RIMS3: variants seen among roughly 807,000 people sequenced by gnomAD.
RIMS3 encodes regulating synaptic membrane exocytosis protein 3.
A neutral mutation model predicts 29.2 loss-of-function variants in RIMS3; 15 were observed. The observed-to-expected ratio is 0.51, with a 90% CI of 0.34 to 0.79. The LOEUF is 0.79. Among genes scored for constraint, RIMS3 ranks in the 30% least tolerant of loss-of-function variants. RIMS3 has a pLI of 0.01. For synonymous variants in RIMS3, 161 were observed against 170.1 expected (o/e 0.95, Z 0.41); for missense variants, 342 against 421.4 (o/e 0.81, Z 1.65).
chr1:40,672,664 C>G, the RIMS3 span, among the ~76,000 whole-genome samples: 1 of 152,142 alleles, frequency 6.6e-6, no homozygotes, highest in African/African-American at 2.4e-5. Flanking sequence ...TACTGAGCAG[C>G]TACTCTGAGC....
intron 1 of RIMS3, among the ~76,000 whole-genome samples, chr1:40,663,559 GCAGCTGCAGACATCACC>G (rs1642382887): frequency 6.6e-6 from 1 of 152,178 alleles, no homozygotes; most frequent in South Asian, 2.1e-4. Context: ...AGCTGCTACT[GCAGCTGCAGACATCACC>G]CAGACCCCTG....
intron 1 of RIMS3, among the ~76,000 whole-genome samples, chr1:40,663,085 G>A (rs1290336555): frequency 6.6e-6 from 1 of 152,164 alleles, no homozygotes; most frequent in African/African-American, 2.4e-5. Flanking sequence ...ATATACCAGT[G>A]TAGGAGACAG....
At chr1:40,663,900 C>T (rs942429480) in intron 1 of RIMS3, among the ~76,000 whole-genome samples, 4 of 152,180 alleles carry the variant, frequency 2.6e-5, no homozygotes, top group Non-Finnish European at 5.9e-5. Context: ...CACTGTGCTG[C>T]GCAGCTCAAA....
At chr1:40,672,867 A>AG in the RIMS3 span, among the ~76,000 whole-genome samples, 1 of 54,706 alleles carries the variant, frequency 1.8e-5, no homozygotes, top group Non-Finnish European at 3.7e-5. Flanking sequence ...CCATCTCTGG[A>AG]GAAAAAAAAA....
At chr1:40,648,473 A>G (rs889549962) in intron 1 of RIMS3, among the ~76,000 whole-genome samples, 2 of 152,232 alleles carry the variant, frequency 1.3e-5, no homozygotes, top group Non-Finnish European at 2.9e-5. Context: ...TGTATGATAC[A>G]GGGCTTCCTT....
chr1:40,668,506 T>TGGGGGGGG (rs1642454158), upstream of RIMS3, among the ~76,000 whole-genome samples: 1 of 39,998 alleles, frequency 2.5e-5, no homozygotes, highest in East Asian at 7.5e-4. Context: ...GGGGGGGGGT[T>TGGGGGGGG]GGTGGCGGAG....
Position 40,635,825 on chromosome 1 carries a change from A to C in RIMS3, c.359+91T>G, listed in dbSNP as rs571752388. The stretch of plus-strand genomic sequence containing the variant: ...GGACCCAGACATTTTAGCTGGAAAC[A>C]AAACAGGGAGGCTTTCCCACCCTGC... On this transcript the variant is annotated intron_variant, in intron 4 of 7. Transcript: ENST00000372684. This position sits in a 1 kb window ranked among gnomAD's most constrained non-coding sequence, Gnocchi z 4.1. 5 of 1,534,228 alleles carry C rather than the reference A, an allele frequency of 3.3e-6. No homozygotes were observed. The African/African-American group carries it at 6.8e-5, about 21-fold the overall frequency.
the RIMS3 span, among the ~76,000 whole-genome samples, chr1:40,680,148 A>T: frequency 6.6e-6 from 1 of 152,034 alleles, no homozygotes; most frequent in African/African-American, 2.4e-5. Context: ...AACAAAAACA[A>T]AACAAAACAA....
intron 3 of RIMS3, among the ~76,000 whole-genome samples, chr1:40,637,789 A>G (rs1646530488): frequency 6.6e-6 from 1 of 152,216 alleles, no homozygotes; most frequent in African/African-American, 2.4e-5. Flanking sequence ...ATGAAAACCC[A>G]CAAATGGTGT....
the RIMS3 span, among the ~76,000 whole-genome samples, chr1:40,674,140 A>G: frequency 6.6e-6 from 1 of 152,330 alleles, no homozygotes; most frequent in South Asian, 2.1e-4. Context: ...TCTTCATTAT[A>G]TCATAAGCTT....
At chr1:40,645,156 C>A (rs1353139794) in intron 2 of RIMS3, among the ~76,000 whole-genome samples, 2 of 152,158 alleles carry the variant, frequency 1.3e-5, no homozygotes, top group Admixed American at 1.3e-4. Context: ...AATGGAAAGT[C>A]CCCCTGGACT....
intron 3 of RIMS3, among the ~76,000 whole-genome samples, chr1:40,638,967 A>G (rs764858372): frequency 8.5e-5 from 13 of 152,188 alleles, no homozygotes; most frequent in Non-Finnish European, 1.9e-4. Flanking sequence ...AATAAACTGG[A>G]AGAAGGCAGG....
At chr1:40,627,038 C>T (rs1646459152) in intron 7 of RIMS3, among the ~76,000 whole-genome samples, 1 of 152,152 alleles carries the variant, frequency 6.6e-6, no homozygotes, top group Non-Finnish European at 1.5e-5. Flanking sequence ...TGCACAGTAA[C>T]TTGTGGCAGA....
In RIMS3 at chr1:40,626,656, T is replaced by C; in HGVS notation, c.788A>G (p.Glu263Gly). 1 of 1,614,198 alleles carries C rather than the reference T, an allele frequency of 6.2e-7. No homozygotes were observed. ...GGTGACCGCGGCGCTGAGGTCCAGC[T>C]CGTCCAGCATGATCTGGGCCATGCC... ...FMGMAQIMLD[E>G]LDLSAAVTGW... Residue 263 changes from glutamate to glycine, a missense_variant, in exon 8 of 8, where the codon GAG becomes GGG. By Grantham distance (98) the Glu-to-Gly change is moderately conservative (BLOSUM62 -2). Transcript: ENST00000372684.
chr1:40,626,918 A>G (rs1240198629), intron 7 of RIMS3, among the ~76,000 whole-genome samples, 189 bp from the exon 8 acceptor site: 2 of 152,198 alleles, frequency 1.3e-5, no homozygotes. Flanking sequence ...GATTTTACCT[A>G]GATTCTTTCT....
intron 1 of RIMS3, among the ~76,000 whole-genome samples, chr1:40,656,378 AAC>A (rs765356123): frequency 5.9e-5 from 9 of 152,374 alleles, no homozygotes; most frequent in Admixed American, 1.3e-4. Flanking sequence ...ACACAGTAAA[AAC>A]AGTTATGATA....
chr1:40,634,982 G>C (rs1023144551), intron 4 of RIMS3, among the ~76,000 whole-genome samples: 13 of 151,678 alleles, frequency 8.6e-5, no homozygotes, highest in Admixed American at 2.0e-4. Flanking sequence ...CACTGTTCCT[G>C]GTCTGATCAC....
intron 1 of RIMS3, among the ~76,000 whole-genome samples, chr1:40,648,997 G>A (rs993786082): frequency 6.6e-6 from 1 of 152,206 alleles, no homozygotes; most frequent in African/African-American, 2.4e-5. Flanking sequence ...GGCTCCTTCG[G>A]CTCTAGTCTC....
Position 40,623,248 on chromosome 1 carries a change from G to T in RIMS3, c.*3269C>A, listed in dbSNP as rs922152125. On this transcript the variant is annotated 3_prime_UTR_variant, in exon 8 of 8. Coordinates refer to ENST00000372684, the MANE Select transcript of RIMS3 (RefSeq NM_014747.3). ...AATTGGGTGGTAGAAGAAACCAGATGGGGAGTCATTTTGGAGATGATTCTT... is the reference window on the plus strand; with the variant it reads ...AATTGGGTGGTAGAAGAAACCAGATTGGGAGTCATTTTGGAGATGATTCTT... The T allele has an allele frequency of 2.5e-6, 1 of 396,262 alleles. No individual in the cohort carries two copies. Among genetic ancestry groups the T allele is most frequent in the East Asian group, 3.6e-5 (1 of 28,006 alleles). 24.5% of individuals were successfully genotyped at this position (396,262 alleles called of 1,614,324 possible). A position where few individuals can be genotyped will look rare whatever the true frequency, so the allele number is the denominator to read the frequency against.
Sources: allele counts gnomAD v4.1 joint callset (sites outside exome capture counted in the v4.1 genomes callset), GRCh38; gene constraint gnomAD v4.1.1; non-coding constraint Gnocchi (gnomAD v3.1); transcripts MANE v1.5; gene names NCBI Gene and HGNC (gene_info 2026-07-23, HGNC 2026-07-21).